MDGA1: variants seen among roughly 807,000 people sequenced by gnomAD.
The protein encoded by MDGA1 is MAM domain-containing glycosylphosphatidylinositol anchor protein 1.
A neutral mutation model predicts 101.5 loss-of-function variants in MDGA1; 54 were observed. The ratio of observed to expected loss-of-function variants is 0.53; its 90% CI spans 0.43 to 0.67. The LOEUF is 0.67. MDGA1 is among the 30% of genes least tolerant of loss of function. MDGA1 has a pLI of 0.00. For synonymous variants in MDGA1, 533 were observed against 558.3 expected (o/e 0.95, Z 0.64); for missense variants, 1,083 against 1,323.8 (o/e 0.82, Z 2.82).
intron 1 of MDGA1, among the ~76,000 whole-genome samples, chr6:37,695,733 G>A (rs891826581): frequency 6.6e-6 from 1 of 152,226 alleles, no homozygotes; most frequent in African/African-American, 2.4e-5. Context: ...AACAGAAAAG[G>A]AAAGAGAGAA....
chr6:37,647,026 T>C, intron 10 of MDGA1, 147 bp downstream of exon 10: 1 of 710,830 alleles, frequency 1.4e-6, no homozygotes. Context: ...TCCAAAACTT[T>C]TCTCCCTGCC....
rs373781015 is a variant in MDGA1, at chr6:37,658,325, G to A, written c.302C>T (p.Thr101Met). The A allele has an allele frequency of 1.2e-6, 2 of 1,612,956 alleles. No homozygotes were observed. The highest frequency in any genetic ancestry group is 1.1e-5 in the South Asian group (1 of 90,960). Residue 101 changes from threonine to methionine, a missense_variant, in exon 3 of 17, where the codon ACG becomes ATG. By Grantham distance (81) the Thr-to-Met change is moderately conservative. Around this residue, in one of 3 missense-constraint regions of MDGA1, gnomAD observed 310 missense variants for 355.9 expected, o/e 0.87. Coordinates refer to ENST00000434837, the MANE Select transcript of MDGA1 (RefSeq NM_153487.4). ...ETLRIERIAR[T>M]QGGRYYCKAE... ...CTTGCAGTAGTAGCGGCCGCCCTGCGTGCGTGCAATACGCTCGATGCGCAG... is the reference window on the plus strand; with the variant it reads ...CTTGCAGTAGTAGCGGCCGCCCTGCATGCGTGCAATACGCTCGATGCGCAG...
At chr6:37,692,652 C>T (rs1762337444) in intron 1 of MDGA1, among the ~76,000 whole-genome samples, 1 of 151,828 alleles carries the variant, frequency 6.6e-6, no homozygotes, top group Admixed American at 6.6e-5. Context: ...GTGATTAGCT[C>T]CCTCCATTCT....
Position 37,635,488 on chromosome 6 carries a change from C to A in MDGA1, c.*1880G>T. The A allele has an allele frequency of 2.5e-6, 1 of 398,680 alleles. No individual in the cohort carries two copies. The highest frequency in any genetic ancestry group is 1.3e-4 in the South Asian group (1 of 7,850). 24.7% of individuals were successfully genotyped at this position (398,680 alleles called of 1,614,324 possible). A position where few individuals can be genotyped will look rare whatever the true frequency, so the allele number is the denominator to read the frequency against. ...TTTCAGACAGAGGCCTTGACTGGGT[C>A]AGGAAGGCAGCCGTGCTGATTGGGC... On this transcript the variant is annotated 3_prime_UTR_variant, in exon 17 of 17. Coordinates refer to ENST00000434837, the MANE Select transcript of MDGA1 (RefSeq NM_153487.4).
Position 37,655,799 on chromosome 6 carries a change from G to A in MDGA1, c.480C>T (p.Asn160=), listed in dbSNP as rs548906707. Residue 160 remains asparagine (N), a synonymous_variant, in exon 4 of 17, where the codon AAC becomes AAT. Transcript: ENST00000434837. The surrounding 1 kb of genome is among the most constrained non-coding windows in gnomAD (Gnocchi z 5.1). ...EKTVFLRCTV[N]SNPPARFIWK... is the part of the protein sequence containing the mutation. ...AGATGAAGCGGGCAGGCGGGTTGGA[G>A]TTGACAGTACAGCGCAGGAACACCG... 1 of 1,613,734 alleles carries A rather than the reference G, an allele frequency of 6.2e-7. No homozygotes were observed. The highest frequency in any genetic ancestry group is 1.3e-5 in the African/African-American group (1 of 75,056).
chr6:37,664,906 C>CACACACACACA (rs1761712840), intron 1 of MDGA1, among the ~76,000 whole-genome samples: 2 of 147,588 alleles, frequency 1.4e-5, no homozygotes, highest in African/African-American at 5.0e-5. Context: ...CACACACACA[C>CACACACACACA]GGCTGCACAT....
chr6:37,649,030 T>G lies in MDGA1; in HGVS notation c.1846A>C (p.Ser616Arg). Reference sequence around the variant, plus strand: ...GCCGAGCCCACATCGTTGGAGACGCTGCACTCGTAGCTGCCGCTGCTGTCG... The same window carrying G: ...GCCGAGCCCACATCGTTGGAGACGCGGCACTCGTAGCTGCCGCTGCTGTCG... ...TRDSSGSYEC[S>R]VSNDVGSAAC... Residue 616 changes from serine (S) to arginine (R), a missense_variant, in exon 9 of 17, where the codon AGC (serine) becomes CGC (arginine). Around this residue, in one of 3 missense-constraint regions of MDGA1, gnomAD observed 657 missense variants for 771.4 expected, o/e 0.85. Transcript: ENST00000434837. 6.5e-7 allele frequency: 1 copy of G among 1,549,206 alleles called. No homozygotes were observed. The highest frequency in any genetic ancestry group is 1.2e-5 in the South Asian group (1 of 84,160).
chr6:37,660,616 G>A (rs1394435726), intron 2 of MDGA1, among the ~76,000 whole-genome samples: 1 of 151,958 alleles, frequency 6.6e-6, no homozygotes, highest in African/African-American at 2.4e-5. Flanking sequence ...AACTGATCAG[G>A]TTTTATAATC....
At position 37,696,770 on chromosome 6, in the gene MDGA1, G is replaced by A. The variant is rs1358631428; in HGVS notation, c.42C>T (p.Phe14=). 1.9e-6 allele frequency: 3 copies of A among 1,584,958 alleles called. No individual in the cohort carries two copies. Among genetic ancestry groups the A allele is most frequent in the Non-Finnish European group, 2.6e-6 (3 of 1,165,014 alleles). ...TCLLLLALIP[F]HCRGQGVYAP... ...CGTAGACTCCTTGTCCCCGGCAGTG[G>A]AAGGGGATCAGCGCCAGAAGTAGAA... Residue 14 remains phenylalanine (F), a synonymous_variant, in exon 1 of 17, where the codon TTC becomes TTT. Transcript: ENST00000434837. This position sits in a 1 kb window ranked among gnomAD's most constrained non-coding sequence, Gnocchi z 5.6.
chr6:37,637,344 G>C lies in MDGA1; in HGVS notation c.*24C>G. ...ACTTTGGTGTGCCGGGGGCAAGGTT[G>C]GGGGGGTGGCCACACAGCTCTCATC... On this transcript the variant is annotated 3_prime_UTR_variant, in exon 17 of 17. Coordinates refer to ENST00000434837, the MANE Select transcript of MDGA1 (RefSeq NM_153487.4). 1.3e-6 allele frequency: 2 copies of C among 1,565,398 alleles called. No homozygotes were observed. The highest frequency in any genetic ancestry group is 1.8e-6 in the Non-Finnish European group (2 of 1,138,792).
At chr6:37,678,562 C>T (rs1034904999) in intron 1 of MDGA1, among the ~76,000 whole-genome samples, 2 of 152,142 alleles carry the variant, frequency 1.3e-5, no homozygotes, top group Admixed American at 1.3e-4. Context: ...CCTCTGCCAT[C>T]GGCTCCCAGC....
chr6:37,686,257 T>A (rs898182027), intron 1 of MDGA1, among the ~76,000 whole-genome samples: 6 of 152,120 alleles, frequency 3.9e-5, no homozygotes, highest in Non-Finnish European at 5.9e-5. Context: ...CTGGAATGTC[T>A]CATGATGGCT....
At chr6:37,675,655 C>T (rs1229699563) in intron 1 of MDGA1, among the ~76,000 whole-genome samples, 1 of 152,148 alleles carries the variant, frequency 6.6e-6, no homozygotes, top group East Asian at 1.9e-4. Context: ...AAGCTTCCAC[C>T]CATCAGGGCA....
In MDGA1 at chr6:37,646,257, G is replaced by A. The variant is rs1305419540; in HGVS notation, c.2165C>T (p.Thr722Ile). Reference sequence around the variant, plus strand: ...ACCAGCCCCGAAGGTGGTATAGGGTGTGAGGCGGACCTCATAGCTGTGGGG... The same window carrying A: ...ACCAGCCCCGAAGGTGGTATAGGGTATGAGGCGGACCTCATAGCTGTGGGG... The part of the protein sequence containing the change: ...RVPHSYEVRL[T>I]PYTTFGAGDM... The change falls in exon 11 of 17, where the codon ACA (threonine) becomes ATA (isoleucine). Residue 722 changes from threonine to isoleucine, a missense_variant. By Grantham distance (89) the Thr-to-Ile change is moderately conservative. Transcript: ENST00000434837. 3 of 1,605,692 alleles carry A rather than the reference G, an allele frequency of 1.9e-6. No homozygotes were observed. The highest frequency in any genetic ancestry group is 2.7e-5 in the African/African-American group (2 of 74,786).
chr6:37,631,535 A>C lies in MDGA1; in HGVS notation c.*5833T>G, dbSNP rs951966580. Reference sequence around the variant, plus strand: ...GAAACTGCCCAATCGACCTACCTGAATCATTGTAACCAAGTAACCTGAAAG... The same window carrying C: ...GAAACTGCCCAATCGACCTACCTGACTCATTGTAACCAAGTAACCTGAAAG... On this transcript the variant is annotated 3_prime_UTR_variant, in exon 17 of 17. Transcript: ENST00000434837. 2 of 152,182 alleles carry C rather than the reference A, an allele frequency of 1.3e-5. No individual in the cohort carries two copies. Among genetic ancestry groups the C allele is most frequent in the Non-Finnish European group, 2.9e-5 (2 of 68,040 alleles). 9.4% of individuals were successfully genotyped at this position (152,182 alleles called of 1,614,324 possible).
intron 1 of MDGA1, among the ~76,000 whole-genome samples, chr6:37,693,899 TG>T (rs1421355659): frequency 6.6e-6 from 1 of 152,220 alleles, no homozygotes; most frequent in Non-Finnish European, 1.5e-5. Context: ...CTGAGAGTGC[TG>T]CCTCCCCAGC....
Position 37,665,906 on chromosome 6 carries a change from C to G in MDGA1, c.68-1800G>C, listed in dbSNP as rs934497278. Among the ~76,000 whole-genome samples, 4 of 152,234 alleles carry G rather than the reference C, an allele frequency of 2.6e-5. No individual in the cohort carries two copies. In the South Asian group the frequency reaches 8.3e-4, roughly 32 times the overall value. On this transcript the variant is annotated intron_variant, in intron 1 of 16. Transcript: ENST00000434837. ...ATATTCATAGCTCCTCCCATAACCTCTTGAAAATGTATACCTGGCCCACCT... is the reference window on the plus strand; with the variant it reads ...ATATTCATAGCTCCTCCCATAACCTGTTGAAAATGTATACCTGGCCCACCT...
chr6:37,667,498 A>G (rs1359893766), intron 1 of MDGA1, among the ~76,000 whole-genome samples: 1 of 152,226 alleles, frequency 6.6e-6, no homozygotes, highest in Non-Finnish European at 1.5e-5. Flanking sequence ...GAATCTGGGA[A>G]CTGGGCCCAA....
intron 1 of MDGA1, among the ~76,000 whole-genome samples, chr6:37,692,782 G>A (rs1762340950): frequency 6.6e-6 from 1 of 151,744 alleles, no homozygotes; most frequent in Non-Finnish European, 1.5e-5. Flanking sequence ...CTCACAGCCA[G>A]GCCTAGCCAA....
Sources: allele counts gnomAD v4.1 joint callset (sites outside exome capture counted in the v4.1 genomes callset), GRCh38; gene constraint gnomAD v4.1.1; regional missense constraint gnomAD v4.1.1; non-coding constraint Gnocchi (gnomAD v3.1); transcripts MANE v1.5; gene names NCBI Gene and HGNC (gene_info 2026-07-23, HGNC 2026-07-21).